DHX57: variants seen among roughly 807,000 people sequenced by gnomAD.
DHX57 encodes putative ATP-dependent RNA helicase DHX57.
A neutral mutation model predicts 156.2 loss-of-function variants in DHX57; 105 were observed. The ratio of observed to expected loss-of-function variants is 0.67; its 90% CI spans 0.57 to 0.79. DHX57 has a LOEUF of 0.79. Ranked by LOEUF, DHX57 falls within the 30% of genes least tolerant of loss-of-function variation. DHX57 has a pLI of 0.00. For missense variants in DHX57, 1,847 were observed against 1,661.9 expected (o/e 1.11, Z -1.94); for synonymous variants, 704 against 595.6 (o/e 1.18, Z -2.65).
chr2:38,837,116 T>C (rs960352891), intron 13 of DHX57, among the ~76,000 whole-genome samples: 5 of 152,178 alleles, frequency 3.3e-5, no homozygotes, highest in African/African-American at 1.2e-4. Flanking sequence ...CTCAAAGTGC[T>C]GGGATTACAA....
chr2:38,812,744 G>A (rs1313070114), intron 21 of DHX57, among the ~76,000 whole-genome samples: 16 of 151,848 alleles, frequency 1.1e-4, no homozygotes, highest in Admixed American at 1.1e-3. Flanking sequence ...TATTGGTCAG[G>A]CTGGCCTCGA....
chr2:38,870,963 G>A (rs1466878941), intron 1 of DHX57, among the ~76,000 whole-genome samples: 1 of 151,026 alleles, frequency 6.6e-6, no homozygotes, highest in Non-Finnish European at 1.5e-5. Flanking sequence ...CAAAAATGAA[G>A]GTAAAATGAA....
At position 38,856,376 on chromosome 2, in the gene DHX57, C is replaced by T. The variant is rs201507310; in HGVS notation, c.1673G>A (p.Arg558His). The change falls in exon 7 of 24, where the codon CGT becomes CAT. Residue 558 changes from arginine (R) to histidine (H), a missense_variant. By Grantham distance (29) the Arg-to-His change is conservative. Coordinates refer to ENST00000457308, the MANE Select transcript of DHX57 (RefSeq NM_198963.3). Reference sequence around the variant, plus strand: ...ACTTATGACAACCACCTGGTGCTTACGCAATAAGTTAAGAATGGTTTCTCT... The same window carrying T: ...ACTTATGACAACCACCTGGTGCTTATGCAATAAGTTAAGAATGGTTTCTCT... ...EERETILNLL[R>H]KHQVVVISGM... The T allele has an allele frequency of 1.6e-5, 26 of 1,613,590 alleles. No homozygotes were observed. The highest frequency in any genetic ancestry group is 4.5e-5 in the East Asian group (2 of 44,890).
chr2:38,868,281 C>T lies in DHX57; in HGVS notation c.125G>A (p.Gly42Asp). ...GTTGCCGCCACCTCCACCACCACCA[C>T]CACCGCCACCGCCACCACTCCCATG... ...KSHGSGGGGG[G>D]GGGGGGGNRK... Residue 42 changes from glycine (G) to aspartate (D), a missense_variant, in exon 2 of 24, where the codon GGT becomes GAT. Transcript: ENST00000457308. 6.2e-7 allele frequency: 1 copy of T among 1,613,850 alleles called. No individual in the cohort carries two copies. Among genetic ancestry groups the T allele is most frequent in the Non-Finnish European group, 8.5e-7 (1 of 1,179,916 alleles).
intron 13 of DHX57, among the ~76,000 whole-genome samples, chr2:38,835,427 C>T (rs1053092176): frequency 6.6e-6 from 1 of 152,166 alleles, no homozygotes; most frequent in African/African-American, 2.4e-5. Flanking sequence ...CAATGGGAAC[C>T]CCTTTTCTGG....
intron 23 of DHX57, among the ~76,000 whole-genome samples, chr2:38,799,966 T>G (rs142415458): frequency 6.6e-6 from 1 of 151,894 alleles, no homozygotes; most frequent in Non-Finnish European, 1.5e-5. Flanking sequence ...GGCGGGCAGA[T>G]CACCTGAGGT....
chr2:38,823,185 AAG>A lies in DHX57; in HGVS notation c.3097_3098del (p.Leu1033SerfsTer17), dbSNP rs866053380. ...CTCGTAATCGTATTTTTGAGGCACG[AAG>A]AGAATCGGTGTGTGGAGGTTCAATG... ...RLIEPPHTDS[L>X]RASKIRLRDL... On this transcript the variant is annotated frameshift_variant, in exon 17 of 24. Coordinates refer to ENST00000457308, the MANE Select transcript of DHX57 (RefSeq NM_198963.3). LOFTEE classifies it high-confidence loss of function. 3.7e-6 allele frequency: 6 copies of A among 1,614,098 alleles called. No individual in the cohort carries two copies. In the African/African-American group the frequency reaches 8.0e-5, roughly 22 times the overall value.
At position 38,807,945 on chromosome 2, in the gene DHX57, C is replaced by CTT. The variant is rs34221239; in HGVS notation, c.3682-1254_3682-1253dup. 1.8e-3 allele frequency among the ~76,000 whole-genome samples: 97 copies of CTT among 54,254 alleles called. 21 individuals carry two copies. The highest frequency in any genetic ancestry group is 2.5e-3 in the Non-Finnish European group (70 of 28,102). The allele number at this position is 54,254 out of a possible 152,430, so 35.6% of individuals were successfully genotyped here. A position where few individuals can be genotyped will look rare whatever the true frequency, so the allele number is the denominator to read the frequency against. On this transcript the variant is annotated intron_variant, in intron 21 of 23. Coordinates refer to ENST00000457308, the MANE Select transcript of DHX57 (RefSeq NM_198963.3). ...ACAGGCGTGAGCCACTGTGTCTTGC[C>CTT]TTTTTTTTTTTTTTTTTTTTTTTTT... is the stretch of plus-strand genomic sequence containing the variant.
chr2:38,860,060 G>C (rs935749458), intron 5 of DHX57, among the ~76,000 whole-genome samples: 1 of 152,002 alleles, frequency 6.6e-6, no homozygotes, highest in Non-Finnish European at 1.5e-5. Context: ...GTCAAGCAGT[G>C]CTCTCACTTC....
chr2:38,819,797 C>T (rs1164891310), intron 17 of DHX57, among the ~76,000 whole-genome samples: 1 of 152,188 alleles, frequency 6.6e-6, no homozygotes, highest in Non-Finnish European at 1.5e-5. Context: ...ACGTTTGAGT[C>T]TCCCTTGCTT....
chr2:38,866,198 G>T (rs1028863276), intron 2 of DHX57, among the ~76,000 whole-genome samples: 1 of 152,168 alleles, frequency 6.6e-6, no homozygotes, highest in African/African-American at 2.4e-5. Context: ...AAGGCCTTCT[G>T]TCTTACTTCA....
intron 9 of DHX57, 124 bp downstream of exon 9, chr2:38,853,930 G>T: frequency 1.1e-6 from 1 of 927,558 alleles, no homozygotes; most frequent in Non-Finnish European, 1.6e-6. Context: ...TCTAACATAG[G>T]CCTTCCTTGT....
chr2:38,824,486 T>G (rs937751328), intron 16 of DHX57, among the ~76,000 whole-genome samples: 1 of 152,186 alleles, frequency 6.6e-6, no homozygotes, highest in African/African-American at 2.4e-5. Flanking sequence ...AAACATTTGC[T>G]AAGAGGGTAG....
At chr2:38,832,372 G>A (rs1309078080) in intron 13 of DHX57, among the ~76,000 whole-genome samples, 2 of 151,892 alleles carry the variant, frequency 1.3e-5, no homozygotes, top group African/African-American at 2.4e-5. Context: ...CCCAGGAGGC[G>A]GAAGTTGCAG....
At chr2:38,832,536 T>A (rs1216088412) in intron 13 of DHX57, among the ~76,000 whole-genome samples, 1 of 120,510 alleles carries the variant, frequency 8.3e-6, no homozygotes, top group Non-Finnish European at 1.9e-5. Context: ...TAGATTAATA[T>A]ATATATATAT....
At position 38,837,819 on chromosome 2, in the gene DHX57, A is replaced by G; in HGVS notation, c.2542+12T>C. 1.3e-6 allele frequency: 2 copies of G among 1,493,352 alleles called. No individual in the cohort carries two copies. The highest frequency in any genetic ancestry group is 2.3e-5 in the East Asian group (1 of 44,280). 92.5% of individuals were successfully genotyped at this position (1,493,352 alleles called of 1,614,324 possible). ...TCAATTGTCATTCAAGCCTTAATAA[A>G]GAAGCAGTTACCTGGAGGGTAGGAG... is the stretch of plus-strand genomic sequence containing the variant. On this transcript the variant is annotated intron_variant, in intron 13 of 23. Coordinates refer to ENST00000457308, the MANE Select transcript of DHX57 (RefSeq NM_198963.3).
chr2:38,833,357 G>T (rs978537829), intron 13 of DHX57, among the ~76,000 whole-genome samples: 4 of 151,950 alleles, frequency 2.6e-5, no homozygotes, highest in Non-Finnish European at 4.4e-5. Context: ...TGGCCAGGCT[G>T]GTCTCGAACT....
chr2:38,804,995 T>G (rs1186319320), intron 22 of DHX57, among the ~76,000 whole-genome samples: 4 of 152,182 alleles, frequency 2.6e-5, no homozygotes, highest in Non-Finnish European at 1.5e-5. Context: ...GGGCAGAGAC[T>G]GTGTCCATCT....
intron 2 of DHX57, among the ~76,000 whole-genome samples, chr2:38,864,776 TC>T (rs1664971090): frequency 6.6e-6 from 1 of 152,202 alleles, no homozygotes; most frequent in Non-Finnish European, 1.5e-5. Flanking sequence ...GTAAAACTTC[TC>T]ATTTAGGTTA....
Sources: gnomAD v4.1 joint callset for allele counts (sites outside exome capture counted in the v4.1 genomes callset) on GRCh38, gnomAD v4.1.1 for gene constraint, MANE v1.5 for transcripts, NCBI Gene and HGNC (gene_info 2026-07-23, HGNC 2026-07-21) for gene names.